OGA: variants seen among roughly 807,000 people sequenced by gnomAD.
OGA encodes the protein O-GlcNAcase.
OGA carries 21 observed loss-of-function variants against 102.0 expected under a neutral mutation model. The ratio of observed to expected loss-of-function variants is 0.21; its 90% CI spans 0.15 to 0.30. The LOEUF (loss-of-function observed/expected upper bound fraction) is 0.30. OGA is among the 10% of genes least tolerant of loss of function. OGA has a pLI of 1.00. For missense variants in OGA, 765 were observed against 1,107.8 expected (o/e 0.69, Z 4.39); for synonymous variants, 408 against 378.2 (o/e 1.08, Z -0.91).
At chr10:101,792,815 G>C in intron 12 of OGA, 24 bp downstream of exon 12, 1 of 1,508,986 alleles carries the variant, frequency 6.6e-7, no homozygotes. Flanking sequence ...CATACACCAA[G>C]TTGGTAGGTA....
chr10:101,810,482 C>T (rs2065540017), intron 3 of OGA, among the ~76,000 whole-genome samples, 168 bp from the exon 4 acceptor site: 2 of 152,178 alleles, frequency 1.3e-5, no homozygotes. Context: ...CAAAATGGTA[C>T]AAGCCTGAAG....
At chr10:101,810,854 C>T (rs892886074) in intron 3 of OGA, among the ~76,000 whole-genome samples, 6 of 152,124 alleles carry the variant, frequency 3.9e-5, no homozygotes, top group African/African-American at 9.7e-5. Context: ...CAGGCATACC[C>T]GGCTAATTTT....
At chr10:101,798,797 G>C (rs1337008133) in intron 9 of OGA, 45 bp downstream of exon 9, 1 of 1,569,612 alleles carries the variant, frequency 6.4e-7, no homozygotes. Context: ...TACCAGTATG[G>C]GGAACCACCC....
intron 12 of OGA, among the ~76,000 whole-genome samples, chr10:101,792,424 A>G (rs1273190340): frequency 6.6e-6 from 1 of 152,192 alleles, no homozygotes; most frequent in Non-Finnish European, 1.5e-5. Context: ...TACAGACGTG[A>G]GCCACCGCGC....
chr10:101,810,400 T>C (rs2065538345), intron 3 of OGA, 86 bp from the exon 4 acceptor site: 1 of 1,242,920 alleles, frequency 8.0e-7, no homozygotes, highest in Non-Finnish European at 1.1e-6. Flanking sequence ...AGGTTATTTC[T>C]TCTAACTTAC....
At chr10:101,792,027 T>A (rs559188024) in intron 12 of OGA, among the ~76,000 whole-genome samples, 18 of 151,644 alleles carry the variant, frequency 1.2e-4, no homozygotes, top group Middle Eastern at 3.4e-3. Context: ...ATTATTTTTT[T>A]TTTTTTTTGA....
At chr10:101,807,371 G>A (rs1340144466) in intron 5 of OGA, among the ~76,000 whole-genome samples, 3 of 152,156 alleles carry the variant, frequency 2.0e-5, no homozygotes, top group South Asian at 2.1e-4. Context: ...GGACAGATAT[G>A]CATGGGCAGA....
At position 101,798,988 on chromosome 10, in the gene OGA, G is replaced by C. The variant is rs150068828; in HGVS notation, c.1663C>G (p.Leu555Val). Reference sequence around the variant, plus strand: ...TCAGCAAGTAACTGCAAATCCTCCAGGGTCACTGGTTCCGCAGTGTACAAA... The same window carrying C: ...TCAGCAAGTAACTGCAAATCCTCCACGGTCACTGGTTCCGCAGTGTACAAA... ...KPLYTAEPVT[L>V]EDLQLLADLF... Residue 555 changes from leucine (L) to valine (V), a missense_variant, in exon 9 of 16, where the codon CTG becomes GTG. Leu to Val is a conservative substitution (Grantham distance 32, BLOSUM62 1). This residue lies in a region of OGA where 281 missense variants were observed against 345.8 expected (regional missense o/e 0.81). Coordinates refer to ENST00000361464, the MANE Select transcript of OGA (RefSeq NM_012215.5). 1.8e-4 allele frequency: 290 copies of C among 1,614,060 alleles called. No homozygotes were observed. The highest frequency in any genetic ancestry group is 3.1e-5 in the Non-Finnish European group (37 of 1,180,044).
intron 1 of OGA, among the ~76,000 whole-genome samples, chr10:101,816,037 C>G (rs1442777714): frequency 7.1e-6 from 1 of 141,058 alleles, no homozygotes; most frequent in Non-Finnish European, 1.5e-5. Flanking sequence ...TTTGGAAGAC[C>G]GAGGCGGGCG....
chr10:101,812,198 C>T (rs1023146353), intron 3 of OGA, among the ~76,000 whole-genome samples: 4 of 152,272 alleles, frequency 2.6e-5, no homozygotes, highest in Non-Finnish European at 5.9e-5. Flanking sequence ...CGGTTCAATG[C>T]TATACTACTT....
Position 101,800,338 on chromosome 10 carries a change from C to T in OGA, c.1099G>A (p.Asp367Asn). Residue 367 changes from aspartate (D) to asparagine (N), a missense_variant, in exon 8 of 16, where the codon GAT becomes AAT. This residue lies in a region of OGA where 281 missense variants were observed against 345.8 expected (regional missense o/e 0.81). Transcript: ENST00000361464. ...CTATAGAGTACATCAGTTTCAATAT[C>T]TTCATCACTGCCTTCATTTTCTAAT... ...IKLENEGSDEDIETDVLYSPQ... is the reference protein window; with the variant it reads ...IKLENEGSDENIETDVLYSPQ... 6.2e-7 allele frequency: 1 copy of T among 1,612,916 alleles called. No homozygotes were observed. The highest frequency in any genetic ancestry group is 1.1e-5 in the South Asian group (1 of 91,064).
rs1185344174 is a variant in OGA, at chr10:101,815,961, G to GAAAAAAAAAAA, written c.199+1862_199+1863insTTTTTTTTTTT. Among the ~76,000 whole-genome samples, 42 of 23,764 alleles carry GAAAAAAAAAAA rather than the reference G, an allele frequency of 1.8e-3. 14 individuals carry two copies. Among genetic ancestry groups the GAAAAAAAAAAA allele is most frequent in the African/African-American group, 3.1e-3 (14 of 4,506 alleles). The allele number at this position is 23,764 out of a possible 152,430, so 15.6% of individuals were successfully genotyped here. A position where few individuals can be genotyped will look rare whatever the true frequency, so the allele number is the denominator to read the frequency against. On this transcript the variant is annotated intron_variant, in intron 1 of 15. Transcript: ENST00000361464. ...TGCCAACCAAGAGGTATCAAAAAGA[G>GAAAAAAAAAAA]AGAAAAAAAAAAAAAAAAAAAAAAA...
At chr10:101,809,717 A>G (rs1589838676) in intron 4 of OGA, among the ~76,000 whole-genome samples, 3 of 134,086 alleles carry the variant, frequency 2.2e-5, no homozygotes, top group African/African-American at 2.7e-5. Flanking sequence ...AAAAAAAAAA[A>G]AAAGAAAAAA....
intron 12 of OGA, among the ~76,000 whole-genome samples, chr10:101,792,023 T>A (rs76412912): frequency 5.4e-5 from 8 of 149,258 alleles, no homozygotes; most frequent in African/African-American, 2.0e-4. Flanking sequence ...ATTTATTATT[T>A]TTTTTTTTTT....
intron 2 of OGA, 35 bp downstream of exon 2, chr10:101,813,520 G>A (rs1271209048): frequency 7.6e-7 from 1 of 1,323,150 alleles, no homozygotes; most frequent in Non-Finnish European, 1.1e-6. Context: ...AAGAGTTTAA[G>A]GTTCTCCTCT....
intron 1 of OGA, among the ~76,000 whole-genome samples, chr10:101,815,953 CAAAAAGAGAGAAAA>C (rs2065616611): frequency 2.4e-5 from 1 of 41,766 alleles, no homozygotes; most frequent in Non-Finnish European, 4.1e-5. Context: ...CAAGAGGTAT[CAAAAAGAGAGAAAA>C]AAAAAAAAAA....
At chr10:101,787,767 T>G (rs1047327150) in intron 14 of OGA, 8 of 402,480 alleles carry the variant, frequency 2.0e-5, no homozygotes, top group Admixed American at 1.5e-4. Flanking sequence ...GCGCTCTCTC[T>G]CTCTCTCTCT....
Position 101,791,104 on chromosome 10 carries a change from G to A in OGA, c.2262-16C>T. The A allele has an allele frequency of 6.3e-7, 1 of 1,583,194 alleles. No individual in the cohort carries two copies. Among genetic ancestry groups the A allele is most frequent in the Non-Finnish European group, 8.5e-7 (1 of 1,169,728 alleles). On this transcript the variant is annotated splice_polypyrimidine_tract_variant and intron_variant, in intron 13 of 15. Coordinates refer to ENST00000361464, the MANE Select transcript of OGA (RefSeq NM_012215.5). ...TCCTACTAACCTGCTCAGAAGGAAA[G>A]AGGCCACAGTAAACTTTTCAGTTGC...
At chr10:101,799,681 A>G (rs2065364021) in intron 8 of OGA, among the ~76,000 whole-genome samples, 1 of 152,226 alleles carries the variant, frequency 6.6e-6, no homozygotes, top group South Asian at 2.1e-4. Context: ...CTACTATTAC[A>G]TTCTCTTTTG....
Sources: gnomAD v4.1 joint callset for allele counts (sites outside exome capture counted in the v4.1 genomes callset) on GRCh38, gnomAD v4.1.1 for gene constraint, gnomAD v4.1.1 regional missense constraint, MANE v1.5 for transcripts, NCBI Gene and HGNC (gene_info 2026-07-23, HGNC 2026-07-21) for gene names.